Variants in MTOR observed in about 807,000 individuals in gnomAD.
The protein encoded by MTOR is mechanistic target of rapamycin kinase.
Under a neutral mutation model 319.8 loss-of-function variants are expected in MTOR, and 70 were observed. That is an observed-to-expected ratio of 0.22 (90% confidence interval 0.18 to 0.27). The LOEUF is 0.27. Ranked by LOEUF, MTOR falls within the 10% of genes least tolerant of loss-of-function variation. The pLI is 1.00. For missense variants in MTOR, 1,890 were observed against 3,274.4 expected, an observed-to-expected ratio of 0.58 and a Z score of 10.32; for synonymous variants, 1,183 against 1,211.4, an observed-to-expected ratio of 0.98 and a Z score of 0.49.
rs375378968 is a variant in MTOR, at chr1:11,114,781, T to C, written c.7164+32A>G. The C allele has an allele frequency of 2.0e-4, 314 of 1,603,750 alleles. 2 individuals carry two copies. The South Asian group carries it at 2.2e-3, about 11-fold the overall frequency. The stretch of plus-strand genomic sequence containing the variant: ...AAGGCTGTAACTGTCCTGATCCCAT[T>C]TGGAAGCAGCTCGTTCCCGATATCC... On this transcript the variant is annotated intron_variant, in intron 52 of 57. Coordinates refer to ENST00000361445, the MANE Select transcript of MTOR (RefSeq NM_004958.4).
At chr1:11,251,015 C>T (rs1207967760) in intron 6 of MTOR, among the ~76,000 whole-genome samples, 1 of 152,198 alleles carries the variant, frequency 6.6e-6, no homozygotes, top group Non-Finnish European at 1.5e-5. Flanking sequence ...TAACTGGATT[C>T]CTGGCTTTAG....
At chr1:11,191,110 G>A (rs960197953) in intron 28 of MTOR, among the ~76,000 whole-genome samples, 27 of 152,152 alleles carry the variant, frequency 1.8e-4, no homozygotes, top group African/African-American at 6.5e-4. Context: ...GAATCTGACC[G>A]TGCCACTTCC....
At chr1:11,156,747 G>A (rs1298884099) in intron 30 of MTOR, among the ~76,000 whole-genome samples, 1 of 152,124 alleles carries the variant, frequency 6.6e-6, no homozygotes, top group Non-Finnish European at 1.5e-5. Context: ...GTAAGCATCC[G>A]ATATAGGTGA....
rs556593760 is a variant in MTOR, at chr1:11,256,106, G to A, written c.591C>T (p.Ala197=). ...GGATGGCCTGTTTGGGGTCCCACACGGCCACAAAAATGTTGTCAAAGAAGG... is the reference window on the plus strand; with the variant it reads ...GGATGGCCTGTTTGGGGTCCCACACAGCCACAAAAATGTTGTCAAAGAAGG... The part of the protein sequence containing the change: ...VQPFFDNIFV[A]VWDPKQAIRE... Residue 197 remains alanine (A), a synonymous_variant, in exon 5 of 58, where the codon GCC becomes GCT. Transcript: ENST00000361445. 15 of 1,614,102 alleles carry A rather than the reference G, an allele frequency of 9.3e-6. No individual in the cohort carries two copies. The highest frequency in any genetic ancestry group is 8.9e-5 in the East Asian group (4 of 44,872).
intron 28 of MTOR, among the ~76,000 whole-genome samples, chr1:11,167,843 T>C (rs1571050350): frequency 6.6e-6 from 1 of 151,952 alleles, no homozygotes; most frequent in South Asian, 2.1e-4. Context: ...GCTGAGGCGG[T>C]TGGATCACGA....
intron 19 of MTOR, among the ~76,000 whole-genome samples, chr1:11,219,604 G>T (rs1208371227): frequency 6.6e-6 from 1 of 152,072 alleles, no homozygotes; most frequent in Non-Finnish European, 1.5e-5. Context: ...TATAAAACAC[G>T]TGAGGAAACA....
chr1:11,185,480 C>G (rs377302755), intron 28 of MTOR, among the ~76,000 whole-genome samples: 1 of 151,608 alleles, frequency 6.6e-6, no homozygotes, highest in Non-Finnish European at 1.5e-5. Context: ...GTGGTGCATA[C>G]CTGCAGTCCT....
intron 29 of MTOR, among the ~76,000 whole-genome samples, chr1:11,165,473 A>G (rs1449422948): frequency 6.6e-6 from 1 of 152,050 alleles, no homozygotes; most frequent in East Asian, 1.9e-4. Context: ...GAGCCAAATC[A>G]TGAGTGAACT....
In MTOR at chr1:11,128,736, C is replaced by T. The variant is rs1017697567; in HGVS notation, c.5811+119G>A. The T allele has an allele frequency of 1.2e-5, 12 of 1,038,544 alleles. No homozygotes were observed. The highest frequency in any genetic ancestry group is 1.7e-5 in the Non-Finnish European group (12 of 691,870). The allele number at this position is 1,038,544 out of a possible 1,614,324, so 64.3% of individuals were successfully genotyped here. A position where few individuals can be genotyped will look rare whatever the true frequency, so the allele number is the denominator to read the frequency against. On this transcript the variant is annotated intron_variant, in intron 41 of 57. Coordinates refer to ENST00000361445, the MANE Select transcript of MTOR (RefSeq NM_004958.4). The surrounding 1 kb of genome is among the most constrained non-coding windows in gnomAD (Gnocchi z 5.3). ...CACTTGACACTGGGACCGAGCCCTA[C>T]TTCCTTAGCACTGTATTAACACACA...
At chr1:11,251,075 T>C (rs982281223) in intron 6 of MTOR, among the ~76,000 whole-genome samples, 1 of 152,204 alleles carries the variant, frequency 6.6e-6, no homozygotes, top group East Asian at 1.9e-4. Context: ...AGAGTGATCC[T>C]TTTGAAATAT....
At chr1:11,142,360 C>T (rs966919961) in intron 34 of MTOR, among the ~76,000 whole-genome samples, 2 of 152,108 alleles carry the variant, frequency 1.3e-5, no homozygotes, top group African/African-American at 4.8e-5. Flanking sequence ...GCAATCTTGG[C>T]TCACTGCAAC....
chr1:11,173,897 C>T (rs1020781058), intron 28 of MTOR, among the ~76,000 whole-genome samples: 1 of 152,158 alleles, frequency 6.6e-6, no homozygotes, highest in African/African-American at 2.4e-5. Context: ...TCTGGCACTC[C>T]ATCACGGGAG....
chr1:11,217,105 G>C (rs1351266041), intron 19 of MTOR, among the ~76,000 whole-genome samples: 1 of 152,012 alleles, frequency 6.6e-6, no homozygotes, highest in Non-Finnish European at 1.5e-5. Flanking sequence ...CATTACTTAG[G>C]TCTTAATTAA....
chr1:11,173,617 G>T (rs966425842), intron 28 of MTOR, among the ~76,000 whole-genome samples: 3 of 152,120 alleles, frequency 2.0e-5, no homozygotes, highest in Non-Finnish European at 4.4e-5. Flanking sequence ...AGAATAAAGA[G>T]ATTTTTAGTG....
In MTOR at chr1:11,225,686, T is replaced by C. The variant is rs183892150; in HGVS notation, c.3030+2982A>G. On this transcript the variant is annotated intron_variant, in intron 19 of 57. Coordinates refer to ENST00000361445, the MANE Select transcript of MTOR (RefSeq NM_004958.4). ...ATCCACCCGCCTTGGCCTCCCAAAG[T>C]GCTGGGATTATAGGCATGAGCCACC... is the stretch of plus-strand genomic sequence containing the variant. 1.9e-3 allele frequency among the ~76,000 whole-genome samples: 282 copies of C among 152,274 alleles called. 3 individuals are homozygous for C. The highest frequency in any genetic ancestry group is 6.5e-3 in the African/African-American group (272 of 41,566).
intron 29 of MTOR, among the ~76,000 whole-genome samples, chr1:11,162,215 G>A (rs917397647): frequency 9.9e-5 from 15 of 152,182 alleles, no homozygotes; most frequent in Admixed American, 2.6e-4. Context: ...GAAATGAAGC[G>A]AGAAGAGAAG....
intron 26 of MTOR, among the ~76,000 whole-genome samples, chr1:11,201,303 A>C (rs1645961386): frequency 6.6e-6 from 1 of 152,218 alleles, no homozygotes; most frequent in African/African-American, 2.4e-5. Flanking sequence ...AGGTGACTGG[A>C]GAGAAAAGAG....
At chr1:11,152,107 A>G (rs1644167860) in intron 30 of MTOR, among the ~76,000 whole-genome samples, 1 of 152,196 alleles carries the variant, frequency 6.6e-6, no homozygotes, top group Non-Finnish European at 1.5e-5. Flanking sequence ...CACAGACAAG[A>G]GCATTGCTCT....
At chr1:11,222,280 T>C (rs887071648) in intron 19 of MTOR, among the ~76,000 whole-genome samples, 3 of 151,820 alleles carry the variant, frequency 2.0e-5, no homozygotes, top group Non-Finnish European at 4.4e-5. Context: ...CACTGCAAGC[T>C]CTACCTCCCG....
Sources: gnomAD v4.1 joint callset for allele counts (sites outside exome capture counted in the v4.1 genomes callset) on GRCh38, gnomAD v4.1.1 for gene constraint, Gnocchi (gnomAD v3.1) non-coding constraint, MANE v1.5 for transcripts, NCBI Gene and HGNC (gene_info 2026-07-23, HGNC 2026-07-21) for gene names.